Variants in MASTL observed in about 807,000 individuals in gnomAD.
The protein encoded by MASTL is microtubule associated serine/threonine kinase like.
A neutral mutation model predicts 82.5 loss-of-function variants in MASTL; 54 were observed. That is an observed-to-expected ratio of 0.65 (90% CI 0.53 to 0.82). The LOEUF is 0.82. Ranked by LOEUF, MASTL falls within the 40% of genes least tolerant of loss-of-function variation. The probability of loss-of-function intolerance (pLI) is 0.00; values close to 1 mark genes in which losing one functional copy is unlikely to be tolerated. For synonymous variants in MASTL, 323 were observed against 368.9 expected, an observed-to-expected ratio of 0.88 and a Z score of 1.43; for missense variants, 950 against 1,047.8, an observed-to-expected ratio of 0.91 and a Z score of 1.29.
In MASTL at chr10:27,155,382, T is replaced by C. The variant is rs1206254741; in HGVS notation, c.-45T>C. On this transcript the variant is annotated 5_prime_UTR_variant, in exon 1 of 12. Coordinates refer to ENST00000375940, the MANE Select transcript of MASTL (RefSeq NM_001172303.3). ...GAACCCAGTTGGCGGGAGTGGCTGCTCGCGGAGGGGCAGTGTCTGCGGGGC... is the reference window on the plus strand; with the variant it reads ...GAACCCAGTTGGCGGGAGTGGCTGCCCGCGGAGGGGCAGTGTCTGCGGGGC... 6.5e-7 allele frequency: 1 copy of C among 1,546,384 alleles called. No individual in the cohort carries two copies. Among genetic ancestry groups the C allele is most frequent in the African/African-American group, 1.4e-5 (1 of 73,174 alleles).
At chr10:27,155,743 G>A in intron 1 of MASTL, 131 bp downstream of exon 1, 1 of 985,792 alleles carries the variant, frequency 1.0e-6, no homozygotes, top group Admixed American at 2.0e-5. Context: ...AGCCTCCAGA[G>A]CCCTGCGAGC....
chr10:27,154,589 A>G (rs2057293886), upstream of MASTL: 9 of 329,364 alleles, frequency 2.7e-5, no homozygotes, highest in Non-Finnish European at 4.8e-5. Flanking sequence ...TTTTTTTTGG[A>G]GACGGAGTTT....
upstream of MASTL, chr10:27,155,303 C>T: frequency 3.2e-6 from 3 of 937,920 alleles, no homozygotes; most frequent in Non-Finnish European, 4.7e-6. Flanking sequence ...GAGGGCGGGG[C>T]GCGGCGGCGG....
intron 11 of MASTL, among the ~76,000 whole-genome samples, chr10:27,184,451 C>T (rs950658632): frequency 6.6e-6 from 1 of 151,164 alleles, no homozygotes. Context: ...TGGATTTGGA[C>T]ATACTGAGTC....
At position 27,170,225 on chromosome 10, in the gene MASTL, G is replaced by C; in HGVS notation, c.1266G>C (p.Gln422His). 1 of 1,614,112 alleles carries C rather than the reference G, an allele frequency of 6.2e-7. No individual in the cohort carries two copies. The highest frequency in any genetic ancestry group is 1.1e-5 in the South Asian group (1 of 91,080). Residue 422 changes from glutamine to histidine, a missense_variant, in exon 8 of 12, where the codon CAG becomes CAC. Gln to His is a conservative substitution (Grantham distance 24). Coordinates refer to ENST00000375940, the MANE Select transcript of MASTL (RefSeq NM_001172303.3). ...ACACAAGTCAGTTAGGTTTCCATCA[G>C]TCAAATCAGTGGGCTGTGGATTCTG... is the stretch of plus-strand genomic sequence containing the variant. ...DTDTSQLGFH[Q>H]SNQWAVDSGG... is the part of the protein sequence containing the mutation.
chr10:27,160,159 CTTTTTTTTTTTTTTTT>C lies in MASTL; in HGVS notation c.464+415_464+430del, dbSNP rs58196933. ...TAGAGGTGTGTGCCATTACTCTTGG[CTTTTTTTTTTTTTTTT>C]TTTTTTTTTTTTTGTAGAGACAAGG... On this transcript the variant is annotated intron_variant, in intron 3 of 11. Coordinates refer to ENST00000375940, the MANE Select transcript of MASTL (RefSeq NM_001172303.3). 3.4e-4 allele frequency among the ~76,000 whole-genome samples: 14 copies of C among 40,604 alleles called. 1 individual carries two copies. The East Asian group carries it at 7.5e-3, about 22-fold the overall frequency. The allele number at this position is 40,604 out of a possible 152,430, so 26.6% of individuals were successfully genotyped here.
intron 7 of MASTL, among the ~76,000 whole-genome samples, chr10:27,168,376 A>G (rs2057805211): frequency 6.6e-6 from 1 of 152,160 alleles, no homozygotes; most frequent in Admixed American, 6.6e-5. Context: ...CCACTTCTGC[A>G]TCCCTGAGGG....
chr10:27,176,780 GTTTA>G (rs1345279989), intron 9 of MASTL, among the ~76,000 whole-genome samples: 1 of 150,830 alleles, frequency 6.6e-6, no homozygotes, highest in Non-Finnish European at 1.5e-5. Flanking sequence ...GTAACTAATT[GTTTA>G]TTTATCTCCA....
At chr10:27,168,523 T>C (rs945740595) in intron 7 of MASTL, among the ~76,000 whole-genome samples, 2 of 152,116 alleles carry the variant, frequency 1.3e-5, no homozygotes, top group Admixed American at 6.5e-5. Flanking sequence ...AATTCAAGAA[T>C]ATCCTTTTTT....
chr10:27,180,682 G>A (rs762840230), intron 9 of MASTL, among the ~76,000 whole-genome samples: 7 of 152,098 alleles, frequency 4.6e-5, no homozygotes, highest in East Asian at 3.8e-4. Flanking sequence ...ATAAGCCACC[G>A]CGCCCAGCTC....
chr10:27,181,973 G>T (rs2058339796), intron 11 of MASTL, among the ~76,000 whole-genome samples: 1 of 151,762 alleles, frequency 6.6e-6, no homozygotes, highest in African/African-American at 2.4e-5. Flanking sequence ...GACTTGGGAG[G>T]CTGAGGCAGG....
chr10:27,167,165 A>G lies in MASTL; in HGVS notation c.875A>G (p.Gln292Arg). Residue 292 changes from glutamine to arginine, a missense_variant, in exon 7 of 12, where the codon CAG becomes CGG. Transcript: ENST00000375940. ...AAGTGTCTAACTTCTAATTTACTCC[A>G]GTCTAGGAAAAGGCTGGCCACATCC... ...PVKCLTSNLL[Q>R]SRKRLATSSA... 2 of 1,614,140 alleles carry G rather than the reference A, an allele frequency of 1.2e-6. No individual in the cohort carries two copies. Among genetic ancestry groups the G allele is most frequent in the Non-Finnish European group, 1.7e-6 (2 of 1,179,976 alleles).
rs2058832128 is a variant in MASTL, at chr10:27,187,422, C to T, written c.*886C>T. Among the ~76,000 whole-genome samples the T allele has an allele frequency of 6.6e-6, 1 of 152,178 alleles. No homozygotes were observed. Among genetic ancestry groups the T allele is most frequent in the South Asian group, 2.1e-4 (1 of 4,828 alleles). ...TGATACGGTTTTGCCACCTTAATTTCTATTGGTGCGTAGTCCACAATATGT... is the reference window on the plus strand; with the variant it reads ...TGATACGGTTTTGCCACCTTAATTTTTATTGGTGCGTAGTCCACAATATGT... On this transcript the variant is annotated 3_prime_UTR_variant, in exon 12 of 12. Coordinates refer to ENST00000375940, the MANE Select transcript of MASTL (RefSeq NM_001172303.3).
At position 27,186,543 on chromosome 10, in the gene MASTL, A is replaced by C; in HGVS notation, c.*7A>C. 1 of 1,613,674 alleles carries C rather than the reference A, an allele frequency of 6.2e-7. No homozygotes were observed. The highest frequency in any genetic ancestry group is 8.5e-7 in the Non-Finnish European group (1 of 1,179,670). On this transcript the variant is annotated 3_prime_UTR_variant, in exon 12 of 12. Transcript: ENST00000375940. ...ATCTGGATTTAGTCTGTAGCACAAA[A>C]ATTTTCCTTTTAGTCTAGCCTTGTG...
At position 27,186,825 on chromosome 10, in the gene MASTL, AT is replaced by A. The variant is rs2058788218; in HGVS notation, c.*291del. 2.6e-6 allele frequency: 1 copy of A among 385,326 alleles called. No homozygotes were observed. The highest frequency in any genetic ancestry group is 4.8e-6 in the Non-Finnish European group (1 of 208,190). 23.9% of individuals were successfully genotyped at this position (385,326 alleles called of 1,614,324 possible). On this transcript the variant is annotated 3_prime_UTR_variant, in exon 12 of 12. Coordinates refer to ENST00000375940, the MANE Select transcript of MASTL (RefSeq NM_001172303.3). ...AGCATCAATAAAATTAGAGGACACT[AT>A]TGAGAGTGAGCCACTAGCTTGATTT...
chr10:27,156,516 T>A (rs1467191550), intron 1 of MASTL, among the ~76,000 whole-genome samples: 2 of 150,834 alleles, frequency 1.3e-5, no homozygotes, highest in African/African-American at 2.4e-5. Context: ...AATAATTTTT[T>A]TTTAAGACAG....
Position 27,165,509 on chromosome 10 carries a change from A to T in MASTL, c.781A>T (p.Thr261Ser). 1.2e-6 allele frequency: 2 copies of T among 1,614,162 alleles called. No homozygotes were observed. The highest frequency in any genetic ancestry group is 1.7e-6 in the Non-Finnish European group (2 of 1,180,004). ...TATGTCTGTAGATCAAAAGGACACTACGCCTTATTCTAGCAAATTACTAAA... is the reference window on the plus strand; with the variant it reads ...TATGTCTGTAGATCAAAAGGACACTTCGCCTTATTCTAGCAAATTACTAAA... ...CPMSVDQKDT[T>S]PYSSKLLKSC... The change falls in exon 6 of 12, where the codon ACG becomes TCG. Residue 261 changes from threonine (T) to serine (S), a missense_variant. Transcript: ENST00000375940.
At chr10:27,168,184 C>T (rs1479958739) in intron 7 of MASTL, among the ~76,000 whole-genome samples, 2 of 152,142 alleles carry the variant, frequency 1.3e-5, no homozygotes, top group African/African-American at 4.8e-5. Context: ...TAAGCAAGAT[C>T]AAATTAACGT....
intron 4 of MASTL, among the ~76,000 whole-genome samples, chr10:27,163,112 T>C (rs576831579): frequency 7.9e-5 from 12 of 152,252 alleles, no homozygotes; most frequent in African/African-American, 2.9e-4. Flanking sequence ...AGACACAGTT[T>C]CACCATGTTG....
Sources: allele counts gnomAD v4.1 joint callset (sites outside exome capture counted in the v4.1 genomes callset), GRCh38; gene constraint gnomAD v4.1.1; transcripts MANE v1.5; gene names NCBI Gene and HGNC (gene_info 2026-07-23, HGNC 2026-07-21).